ZBTB41: variants seen among roughly 807,000 people sequenced by gnomAD.
ZBTB41 encodes the protein zinc finger and BTB domain containing 41.
ZBTB41 carries 42 observed loss-of-function variants against 87.6 expected under a neutral mutation model. That is an observed-to-expected ratio of 0.48 (90% CI 0.37 to 0.62). ZBTB41 has a LOEUF of 0.62. Ranked by LOEUF, ZBTB41 falls within the 20% of genes least tolerant of loss-of-function variation. The pLI is 0.00. For missense variants in ZBTB41, 799 were observed against 1,078.9 expected, an observed-to-expected ratio of 0.74 and a Z score of 3.63; for synonymous variants, 364 against 364.0, an observed-to-expected ratio of 1.00 and a Z score of 0.00.
intron 4 of ZBTB41, among the ~76,000 whole-genome samples, chr1:197,189,196 A>C (rs964080703): frequency 1.3e-5 from 2 of 152,162 alleles, no homozygotes; most frequent in Non-Finnish European, 2.9e-5. Context: ...GGATTAAAGA[A>C]GGCAAAAATA....
intron 9 of ZBTB41, among the ~76,000 whole-genome samples, 186 bp downstream of exon 9, chr1:197,174,824 T>G (rs1304465446): frequency 6.6e-6 from 1 of 152,044 alleles, no homozygotes; most frequent in African/African-American, 2.4e-5. Flanking sequence ...GCCTTTGAAT[T>G]AACTGAAAAC....
At chr1:197,192,824 A>C (rs1660068508) in intron 2 of ZBTB41, among the ~76,000 whole-genome samples, 1 of 152,136 alleles carries the variant, frequency 6.6e-6, no homozygotes, top group Non-Finnish European at 1.5e-5. Flanking sequence ...AAGGCCACTG[A>C]GGAAAGATAT....
rs988674477 is a variant in ZBTB41 at position 197,182,572 on chromosome 1, G to T, written c.1547-1455C>A. Among the ~76,000 whole-genome samples the T allele has an allele frequency of 2.5e-4, 38 of 152,134 alleles. 1 individual carries two copies. In the Middle Eastern group the frequency reaches 0.01, roughly 41 times the overall value. On this transcript the variant is annotated intron_variant, in intron 5 of 10. Coordinates refer to ENST00000367405, the MANE Select transcript of ZBTB41 (RefSeq NM_194314.3). ...TTACAGACGTGAGTCACCATGCCTG[G>T]CCAAGTTCTGACTTTTAAAAGCCAA...
At chr1:197,173,868 A>G (rs1233867032) in intron 9 of ZBTB41, among the ~76,000 whole-genome samples, 1 of 152,074 alleles carries the variant, frequency 6.6e-6, no homozygotes, top group Non-Finnish European at 1.5e-5. Flanking sequence ...AATGCCTGAA[A>G]ACGTTTTTGT....
At chr1:197,188,511 A>C in intron 4 of ZBTB41, 72 bp from the exon 5 acceptor site, 1 of 1,338,710 alleles carries the variant, frequency 7.5e-7, no homozygotes. Context: ...TGTAATGAGA[A>C]GAAAACCATA....
At chr1:197,168,387 C>T (rs1296742026) in intron 10 of ZBTB41, among the ~76,000 whole-genome samples, 1 of 152,012 alleles carries the variant, frequency 6.6e-6, no homozygotes, top group African/African-American at 2.4e-5. Context: ...AATTAACAGA[C>T]TATTTCTAAA....
chr1:197,162,797 G>A (rs1186771331), intron 10 of ZBTB41, among the ~76,000 whole-genome samples: 2 of 152,094 alleles, frequency 1.3e-5, no homozygotes, highest in Admixed American at 6.6e-5. Context: ...CAGTCTATGA[G>A]GAAATAGACG....
intron 5 of ZBTB41, among the ~76,000 whole-genome samples, chr1:197,186,673 G>T (rs1030155093): frequency 2.0e-5 from 3 of 152,070 alleles, no homozygotes; most frequent in African/African-American, 7.2e-5. Context: ...ACCAGCCTGA[G>T]TAACCTGGTG....
At position 197,159,800 on chromosome 1, in the gene ZBTB41, A is replaced by C. The variant is rs1659156475; in HGVS notation, c.2289T>G (p.Leu763=). 6.2e-7 allele frequency: 1 copy of C among 1,614,012 alleles called. No homozygotes were observed. Among genetic ancestry groups the C allele is most frequent in the Non-Finnish European group, 8.5e-7 (1 of 1,179,914 alleles). The change falls in exon 11 of 11, where the codon CTT becomes CTG. Residue 763 remains leucine, a synonymous_variant. Transcript: ENST00000367405. ...DDPLSTSEEK[L]VSLPVEYSSD... is the part of the protein sequence containing the mutation. ...ATGAGTACTCAACTGGCAAGGATAC[A>C]AGTTTTTCCTCAGAAGTACTGAGAG...
intron 10 of ZBTB41, among the ~76,000 whole-genome samples, chr1:197,164,437 GAACTA>G (rs1318186226): frequency 6.6e-6 from 1 of 151,154 alleles, no homozygotes; most frequent in Non-Finnish European, 1.5e-5. Flanking sequence ...TAATTTAAAT[GAACTA>G]AACATACAAA....
chr1:197,171,544 G>T (rs181624832), intron 10 of ZBTB41, among the ~76,000 whole-genome samples: 1 of 151,924 alleles, frequency 6.6e-6, no homozygotes, highest in Non-Finnish European at 1.5e-5. Context: ...GGCAAACAAG[G>T]ATTCAGACAA....
chr1:197,192,298 T>C (rs4915379), intron 2 of ZBTB41, among the ~76,000 whole-genome samples: 122,989 of 152,082 alleles, frequency 0.81, 51,660 homozygotes, highest in East Asian at 1. Flanking sequence ...TTCATATTTT[T>C]GGTATCTCTG....
At chr1:197,188,764 T>A (rs1415212) in intron 4 of ZBTB41, among the ~76,000 whole-genome samples, 38,826 of 152,092 alleles carry the variant, frequency 0.26, 5,328 homozygotes, top group Middle Eastern at 0.32. Flanking sequence ...ATGTCAGGAA[T>A]AAAAGGTTTT....
intron 8 of ZBTB41, 59 bp from the exon 9 acceptor site, chr1:197,175,174 G>A (rs1659572687): frequency 1.4e-6 from 2 of 1,405,254 alleles, no homozygotes; most frequent in Non-Finnish European, 2.0e-6. Flanking sequence ...TTTATCCCCA[G>A]AAACAAACTA....
chr1:197,175,554 T>G (rs1261684993), intron 8 of ZBTB41, among the ~76,000 whole-genome samples: 1 of 150,320 alleles, frequency 6.7e-6, no homozygotes, highest in Non-Finnish European at 1.5e-5. Context: ...GTACTTTACT[T>G]TTAGAAGATT....
In ZBTB41 at chr1:197,155,434, C is replaced by CA. The variant is rs1659043397; in HGVS notation, c.*3924dup. 1 of 152,102 alleles carries CA rather than the reference C, an allele frequency of 6.6e-6. No individual in the cohort carries two copies. The highest frequency in any genetic ancestry group is 2.4e-5 in the African/African-American group (1 of 41,360). The allele number at this position is 152,102 out of a possible 1,614,324, so 9.4% of individuals were successfully genotyped here. A position where few individuals can be genotyped will look rare whatever the true frequency, so the allele number is the denominator to read the frequency against. On this transcript the variant is annotated 3_prime_UTR_variant, in exon 11 of 11. Transcript: ENST00000367405. ...CAGCAGAATCAACTCTAAGCAACTACAACACATCGAAAAGGCACAAAGCAT... is the reference window on the plus strand; with the variant it reads ...CAGCAGAATCAACTCTAAGCAACTACAAACACATCGAAAAGGCACAAAGCAT...
At chr1:197,184,372 G>GC (rs1557983344) in intron 5 of ZBTB41, among the ~76,000 whole-genome samples, 1 of 152,112 alleles carries the variant, frequency 6.6e-6, no homozygotes, top group African/African-American at 2.4e-5. Flanking sequence ...CCCTTGTTGC[G>GC]CAATAGTGCC....
Position 197,157,139 on chromosome 1 carries a change from A to G in ZBTB41, c.*2220T>C, listed in dbSNP as rs1659084451. ...CTTTACTAAGAGATGTATTCCAAAA[A>G]AGTTCTGTGTAAACCAATTCCTACA... is the stretch of plus-strand genomic sequence containing the variant. On this transcript the variant is annotated 3_prime_UTR_variant, in exon 11 of 11. Transcript: ENST00000367405. 6.6e-6 allele frequency: 1 copy of G among 152,130 alleles called. No homozygotes were observed. Among genetic ancestry groups the G allele is most frequent in the African/African-American group, 2.4e-5 (1 of 41,398 alleles). The allele number at this position is 152,130 out of a possible 1,614,324, so 9.4% of individuals were successfully genotyped here. A position where few individuals can be genotyped will look rare whatever the true frequency, so the allele number is the denominator to read the frequency against.
In ZBTB41 at chr1:197,153,847, T is replaced by C. The variant is rs1416181866; in HGVS notation, c.*5512A>G. ...CAAAGTATGTATAAAACTCACAAGA[T>C]ATTTTACACACAGTTCACAATAATT... On this transcript the variant is annotated 3_prime_UTR_variant, in exon 11 of 11. Coordinates refer to ENST00000367405, the MANE Select transcript of ZBTB41 (RefSeq NM_194314.3). The C allele has an allele frequency of 6.6e-6, 1 of 152,192 alleles. No homozygotes were observed. The highest frequency in any genetic ancestry group is 1.5e-5 in the Non-Finnish European group (1 of 68,006). The allele number at this position is 152,192 out of a possible 1,614,324, so 9.4% of individuals were successfully genotyped here.
Sources: allele counts gnomAD v4.1 joint callset (sites outside exome capture counted in the v4.1 genomes callset), GRCh38; gene constraint gnomAD v4.1.1; transcripts MANE v1.5; gene names NCBI Gene and HGNC (gene_info 2026-07-23, HGNC 2026-07-21).